MYRIP: variants seen among roughly 807,000 people sequenced by gnomAD.
The protein encoded by MYRIP is rab effector MyRIP.
MYRIP carries 49 observed loss-of-function variants against 98.0 expected under a neutral mutation model. That is an observed-to-expected ratio of 0.50 (90% confidence interval 0.40 to 0.63). The LOEUF (loss-of-function observed/expected upper bound fraction) is 0.63. Ranked by LOEUF, MYRIP falls within the 30% of genes least tolerant of loss-of-function variation. The pLI, the probability that MYRIP is intolerant of heterozygous loss-of-function variation, is 0.00. For synonymous variants in MYRIP, 404 were observed against 409.5 expected (o/e 0.99, Z 0.16); for missense variants, 1,004 against 1,058.2 (o/e 0.95, Z 0.71).
At chr3:40,138,395 G>T (rs944531872) in intron 3 of MYRIP, among the ~76,000 whole-genome samples, 4 of 152,066 alleles carry the variant, frequency 2.6e-5, no homozygotes, top group Admixed American at 2.0e-4. Context: ...TAGCTCTAAG[G>T]ACTTTAAGTA....
intron 3 of MYRIP, among the ~76,000 whole-genome samples, chr3:40,046,395 C>A (rs1947668951): frequency 6.6e-6 from 1 of 151,702 alleles, no homozygotes; most frequent in African/African-American, 2.4e-5. Flanking sequence ...TCATTTGTAG[C>A]ACCAGAGCCT....
intron 3 of MYRIP, among the ~76,000 whole-genome samples, chr3:40,150,100 T>C (rs1423532756): frequency 6.6e-6 from 1 of 152,188 alleles, no homozygotes; most frequent in Non-Finnish European, 1.5e-5. Flanking sequence ...TTATTTATTT[T>C]TAGATGGAAT....
intron 2 of MYRIP, among the ~76,000 whole-genome samples, chr3:40,017,902 T>G (rs1271653022): frequency 1.3e-5 from 2 of 152,160 alleles, no homozygotes; most frequent in African/African-American, 4.8e-5. Context: ...GCCTAATGAG[T>G]AATCAGCTTT....
At chr3:40,069,223 A>G (rs1375259649) in intron 3 of MYRIP, among the ~76,000 whole-genome samples, 2 of 152,046 alleles carry the variant, frequency 1.3e-5, no homozygotes, top group Non-Finnish European at 2.9e-5. Flanking sequence ...TTCTCCCCCC[A>G]TATCCTGGCA....
In MYRIP at chr3:39,888,802, A is replaced by G. The variant is rs187196530; in HGVS notation, c.-30-11985A>G. On this transcript the variant is annotated intron_variant, in intron 1 of 16. Coordinates refer to ENST00000302541, the MANE Select transcript of MYRIP (RefSeq NM_015460.4). ...TCATCTGACAAAGGGTAATATCCAG[A>G]ATCTACAATGAACTCAAACAAATTT... Among the ~76,000 whole-genome samples the G allele has an allele frequency of 1.7e-3, 257 of 152,338 alleles. 1 individual carries two copies. Among genetic ancestry groups the G allele is most frequent in the African/African-American group, 6.0e-3 (249 of 41,566 alleles).
rs760651064 is a variant in MYRIP at position 40,250,261 on chromosome 3, G to A, written c.2302G>A (p.Ala768Thr). 1.2e-6 allele frequency: 2 copies of A among 1,613,974 alleles called. No homozygotes were observed. The highest frequency in any genetic ancestry group is 2.7e-5 in the African/African-American group (2 of 74,926). ...IESRISALTI[A>T]GLNIAPCVRF... The stretch of plus-strand genomic sequence containing the variant: ...GAGCCGGATTTCAGCCCTGACCATT[G>A]CAGGATTAAACATAGCACCATGTGT... The change falls in exon 14 of 17, where the codon GCA becomes ACA. Residue 768 changes from alanine (A) to threonine (T), a missense_variant. This residue lies in a region of MYRIP where 108 missense variants were observed against 111.1 expected (regional missense o/e 0.97). Transcript: ENST00000302541.
intron 2 of MYRIP, among the ~76,000 whole-genome samples, chr3:39,994,443 A>G (rs572093991): frequency 3.7e-4 from 57 of 152,360 alleles, no homozygotes; most frequent in Non-Finnish European, 7.1e-4. Flanking sequence ...GCTCATTGCT[A>G]GCACAGCAGT....
At chr3:40,084,150 A>C (rs1297332911) in intron 3 of MYRIP, among the ~76,000 whole-genome samples, 1 of 147,118 alleles carries the variant, frequency 6.8e-6, no homozygotes, top group East Asian at 2.0e-4. Context: ...AAAAAAAAAA[A>C]AAAAAAAAAA....
intron 1 of MYRIP, among the ~76,000 whole-genome samples, chr3:39,873,106 T>C (rs994401920): frequency 1.3e-4 from 20 of 152,258 alleles, no homozygotes; most frequent in Admixed American, 3.9e-4. Context: ...GAGCATTTTT[T>C]CATATGTTTT....
chr3:40,223,444 C>T (rs1004347269), intron 11 of MYRIP, among the ~76,000 whole-genome samples: 29 of 152,262 alleles, frequency 1.9e-4, no homozygotes, highest in East Asian at 5.8e-4. Flanking sequence ...CCATTAATCT[C>T]GTGATTCCCA....
At chr3:40,229,784 T>G (rs1403479702) in intron 11 of MYRIP, among the ~76,000 whole-genome samples, 2 of 152,116 alleles carry the variant, frequency 1.3e-5, no homozygotes, top group Non-Finnish European at 2.9e-5. Flanking sequence ...GACTGAACCC[T>G]AGAAGTGGAC....
intron 2 of MYRIP, among the ~76,000 whole-genome samples, chr3:40,029,915 A>C (rs1051663652): frequency 1.3e-5 from 2 of 151,938 alleles, no homozygotes; most frequent in Non-Finnish European, 2.9e-5. Context: ...TATTTAAAAA[A>C]TTAGCCAGGT....
chr3:39,843,240 G>C (rs1941857565), intron 1 of MYRIP, among the ~76,000 whole-genome samples: 1 of 152,098 alleles, frequency 6.6e-6, no homozygotes, highest in Non-Finnish European at 1.5e-5. Flanking sequence ...TATAGTCACA[G>C]TTTGAAAGAC....
intron 4 of MYRIP, among the ~76,000 whole-genome samples, chr3:40,159,781 T>C (rs1286476946): frequency 1.3e-5 from 2 of 152,192 alleles, no homozygotes; most frequent in African/African-American, 4.8e-5. Flanking sequence ...TTCCAGTTGA[T>C]CGCATCGGCT....
rs75930891 is a variant in MYRIP, at chr3:40,230,736, T to C, written c.1906-3123T>C. 3.6e-4 allele frequency among the ~76,000 whole-genome samples: 55 copies of C among 152,310 alleles called. No individual in the cohort carries two copies. In the East Asian group the frequency reaches 0.01, roughly 28 times the overall value. ...AAATTGCTGTGGATTCCAGTTTGCC[T>C]TTCCCAGTGGAAAGCAAAATGGGGA... is the stretch of plus-strand genomic sequence containing the variant. On this transcript the variant is annotated intron_variant, in intron 11 of 16. Coordinates refer to ENST00000302541, the MANE Select transcript of MYRIP (RefSeq NM_015460.4).
chr3:39,986,409 C>T (rs1423548877), intron 2 of MYRIP, among the ~76,000 whole-genome samples: 2 of 146,690 alleles, frequency 1.4e-5, no homozygotes, highest in Non-Finnish European at 2.9e-5. Context: ...TTCTCTCTCT[C>T]TTCCTCCCCA....
At chr3:40,095,833 C>T (rs1054059130) in intron 3 of MYRIP, among the ~76,000 whole-genome samples, 2 of 151,580 alleles carry the variant, frequency 1.3e-5, no homozygotes, top group Non-Finnish European at 2.9e-5. Flanking sequence ...CTCTTCTATC[C>T]TCCTCTTTTC....
At chr3:40,090,806 C>T (rs1432266634) in intron 3 of MYRIP, among the ~76,000 whole-genome samples, 1 of 152,094 alleles carries the variant, frequency 6.6e-6, no homozygotes, top group Non-Finnish European at 1.5e-5. Context: ...TGTATGTTTC[C>T]TGAATGGGTA....
chr3:39,927,480 C>T lies in MYRIP; in HGVS notation c.110+26554C>T, dbSNP rs1313441336. 2.0e-5 allele frequency among the ~76,000 whole-genome samples: 3 copies of T among 151,712 alleles called. No individual in the cohort carries two copies. In the East Asian group the frequency reaches 5.8e-4, roughly 29 times the overall value. ...AAATTCCTGGAAATGTACAACCTCC[C>T]AAAATGGAATCAGGGAAGAAATTGA... On this transcript the variant is annotated intron_variant, in intron 2 of 16. Coordinates refer to ENST00000302541, the MANE Select transcript of MYRIP (RefSeq NM_015460.4).
Sources: gnomAD v4.1 joint callset for allele counts (sites outside exome capture counted in the v4.1 genomes callset) on GRCh38, gnomAD v4.1.1 for gene constraint, gnomAD v4.1.1 regional missense constraint, MANE v1.5 for transcripts, NCBI Gene and HGNC (gene_info 2026-07-23, HGNC 2026-07-21) for gene names.